DGCR8: variants seen among roughly 807,000 people sequenced by gnomAD.
The protein encoded by DGCR8 is microprocessor complex subunit DGCR8.
Under a neutral mutation model 78.5 loss-of-function variants are expected in DGCR8, and 14 were observed. That is an observed-to-expected ratio of 0.18 (90% CI 0.12 to 0.28). DGCR8 has a LOEUF of 0.28. DGCR8 is among the 10% of genes least tolerant of loss of function. The pLI is 1.00. For synonymous variants in DGCR8, 399 were observed against 402.4 expected, an observed-to-expected ratio of 0.99 and a Z score of 0.10; for missense variants, 702 against 1,022.5, an observed-to-expected ratio of 0.69 and a Z score of 4.28.
intron 7 of DGCR8, 67 bp from the exon 8 acceptor site, chr22:20,092,742 G>A: frequency 1.4e-6 from 2 of 1,390,332 alleles, no homozygotes; most frequent in Non-Finnish European, 2.0e-6. Flanking sequence ...GTCGGTGTGG[G>A]CAGACTGTGC....
At chr22:20,103,046 C>A (rs746106952) in intron 9 of DGCR8, among the ~76,000 whole-genome samples, 1 of 151,834 alleles carries the variant, frequency 6.6e-6, no homozygotes, top group African/African-American at 2.4e-5. Context: ...GCAGGAGAAT[C>A]GCTTGAACCC....
chr22:20,101,670 TG>T (rs1232845975), intron 9 of DGCR8: 1 of 984,854 alleles, frequency 1.0e-6, no homozygotes, highest in African/African-American at 1.8e-5. Flanking sequence ...TGTAGGGTGG[TG>T]GGGGTGTTTA....
chr22:20,107,476 G>C (rs1263726580), intron 12 of DGCR8, 78 bp downstream of exon 12: 5 of 1,568,620 alleles, frequency 3.2e-6, no homozygotes, highest in East Asian at 2.3e-5. Context: ...GTGCTCAGAG[G>C]GGGCAGAGCT....
chr22:20,111,024 T>C lies in DGCR8; in HGVS notation c.*916T>C, dbSNP rs1033977444. The C allele has an allele frequency of 5.0e-6, 2 of 397,564 alleles. No homozygotes were observed. Among genetic ancestry groups the C allele is most frequent in the Non-Finnish European group, 8.9e-6 (2 of 225,942 alleles). The allele number at this position is 397,564 out of a possible 1,614,324, so 24.6% of individuals were successfully genotyped here. A position where few individuals can be genotyped will look rare whatever the true frequency, so the allele number is the denominator to read the frequency against. ...TAGAAGGTAGATTTGGAATCATGCA[T>C]TTTAGCAAGTGGACTTGTTGAAACA... On this transcript the variant is annotated 3_prime_UTR_variant, in exon 14 of 14. Coordinates refer to ENST00000351989, the MANE Select transcript of DGCR8 (RefSeq NM_022720.7).
chr22:20,095,687 G>A (rs1290990214), intron 9 of DGCR8, among the ~76,000 whole-genome samples: 2 of 152,142 alleles, frequency 1.3e-5, no homozygotes, highest in Non-Finnish European at 2.9e-5. Flanking sequence ...GGCGGGGATG[G>A]TTTCAGGATG....
chr22:20,109,175 T>G, intron 13 of DGCR8, 172 bp downstream of exon 13: 1 of 519,406 alleles, frequency 1.9e-6, no homozygotes, highest in South Asian at 2.0e-5. Context: ...TGTGATAGTT[T>G]TATAAATCAC....
intron 9 of DGCR8, 124 bp from the exon 10 acceptor site, chr22:20,106,053 A>G: frequency 1.4e-6 from 1 of 706,118 alleles, no homozygotes; most frequent in Non-Finnish European, 2.5e-6. Context: ...GAGTTGAGGT[A>G]TGAAGTGCTA....
At chr22:20,107,246 C>T in intron 11 of DGCR8, 25 bp from the exon 12 acceptor site, 1 of 1,614,006 alleles carries the variant, frequency 6.2e-7, no homozygotes, top group Non-Finnish European at 8.5e-7. Flanking sequence ...GACCCCCTCT[C>T]CATGCTTGCT....
At position 20,111,547 on chromosome 22, in the gene DGCR8, GTCATTT is replaced by G; in HGVS notation, c.*1440_*1445del. 2.5e-6 allele frequency: 1 copy of G among 397,596 alleles called. No homozygotes were observed. The highest frequency in any genetic ancestry group is 2.1e-5 in the African/African-American group (1 of 48,618). 24.6% of individuals were successfully genotyped at this position (397,596 alleles called of 1,614,324 possible). ...TGCCTCCTGTCTGCAGCTGTGAATAGTCATTTGACTGTGACTGTTGCCCTTAGCCAG... is the reference window on the plus strand; with the variant it reads ...TGCCTCCTGTCTGCAGCTGTGAATAGGACTGTGACTGTTGCCCTTAGCCAG... On this transcript the variant is annotated 3_prime_UTR_variant, in exon 14 of 14. Transcript: ENST00000351989.
Position 20,111,722 on chromosome 22 carries a change from C to A in DGCR8, c.*1614C>A, listed in dbSNP as rs866678232. ...TCTCTGTGCGCCCCCCCCCCCCCCC[C>A]ACCCGTCTGCCAAGCATGGGTATGA... is the stretch of plus-strand genomic sequence containing the variant. On this transcript the variant is annotated 3_prime_UTR_variant, in exon 14 of 14. Transcript: ENST00000351989. The A allele has an allele frequency of 0.055, 9,543 of 174,356 alleles. 772 individuals carry two copies. Among genetic ancestry groups the A allele is most frequent in the South Asian group, 0.16 (455 of 2,778 alleles). The allele number at this position is 174,356 out of a possible 1,614,324, so 10.8% of individuals were successfully genotyped here.
At chr22:20,107,180 G>T (rs1407493191) in intron 11 of DGCR8, 91 bp from the exon 12 acceptor site, 4 of 1,483,640 alleles carry the variant, frequency 2.7e-6, no homozygotes, top group Non-Finnish European at 3.8e-6. Flanking sequence ...GGCCCTCGGG[G>T]TGTGGGTCAG....
At chr22:20,088,278 G>A (rs1324677736) in intron 3 of DGCR8, among the ~76,000 whole-genome samples, 1 of 152,210 alleles carries the variant, frequency 6.6e-6, no homozygotes, top group African/African-American at 2.4e-5. Context: ...TCTGGGGCTG[G>A]GGGCAGGAGT....
intron 1 of DGCR8, among the ~76,000 whole-genome samples, chr22:20,084,524 G>A (rs566480967): frequency 1.8e-3 from 277 of 152,210 alleles, no homozygotes; most frequent in African/African-American, 6.5e-3. Context: ...TCATCTCTGG[G>A]TGGCCTTCCT....
In DGCR8 at chr22:20,108,541, C is replaced by T. The variant is rs983934243; in HGVS notation, c.2125-349C>T. On this transcript the variant is annotated intron_variant, in intron 12 of 13. Coordinates refer to ENST00000351989, the MANE Select transcript of DGCR8 (RefSeq NM_022720.7). ...GCTGGGCTGCAGCGTGCTGTTCTTA[C>T]TGGCTATGGCCACACTCTGGTTTCA... 3 of 258,046 alleles carry T rather than the reference C, an allele frequency of 1.2e-5. No homozygotes were observed. The Admixed American group carries it at 1.4e-4, about 12-fold the overall frequency. The allele number at this position is 258,046 out of a possible 1,614,324, so 16.0% of individuals were successfully genotyped here.
chr22:20,108,838 G>C, intron 12 of DGCR8, 52 bp from the exon 13 acceptor site: 1 of 1,041,768 alleles, frequency 9.6e-7, no homozygotes, highest in Non-Finnish European at 1.5e-6. Flanking sequence ...GCAGCGGGCA[G>C]GCCGTAGAGC....
chr22:20,086,815 ATAATGT>A lies in DGCR8; in HGVS notation c.720+139_720+144del. 4.6e-6 allele frequency: 5 copies of A among 1,082,544 alleles called. No homozygotes were observed. Among genetic ancestry groups the A allele is most frequent in the Middle Eastern group, 3.1e-4 (1 of 3,224 alleles). 67.1% of individuals were successfully genotyped at this position (1,082,544 alleles called of 1,614,324 possible). A position where few individuals can be genotyped will look rare whatever the true frequency, so the allele number is the denominator to read the frequency against. On this transcript the variant is annotated intron_variant, in intron 2 of 13. Coordinates refer to ENST00000351989, the MANE Select transcript of DGCR8 (RefSeq NM_022720.7). The surrounding 1 kb of genome is among the most constrained non-coding windows in gnomAD (Gnocchi z 6.4). ...AAACCAAAATCCCCTCTGAGGTGGAATAATGTTAATGTGGAGAAGAGAAAGATGTAA... is the reference window on the plus strand; with the variant it reads ...AAACCAAAATCCCCTCTGAGGTGGAATAATGTGGAGAAGAGAAAGATGTAA...
At chr22:20,098,050 C>G (rs113504177) in intron 9 of DGCR8, among the ~76,000 whole-genome samples, 19,612 of 150,138 alleles carry the variant, frequency 0.13, 1,684 homozygotes, top group Non-Finnish European at 0.19. Flanking sequence ...CCACTTGAAC[C>G]CAGGAGGTGG....
In DGCR8 at chr22:20,087,258, C is replaced by T. The variant is rs2049496738; in HGVS notation, c.817C>T (p.His273Tyr). Residue 273 changes from histidine to tyrosine, a missense_variant, in exon 3 of 14, where the codon CAT becomes TAT. Coordinates refer to ENST00000351989, the MANE Select transcript of DGCR8 (RefSeq NM_022720.7). The surrounding 1 kb of genome is among the most constrained non-coding windows in gnomAD (Gnocchi z 4.1). ...GGAAAAATATGGCGGAGACAGCGAC[C>T]ATCCGTCCGATGGAGAGACAAGTGT... ...TEEKYGGDSD[H>Y]PSDGETSVQP... The T allele has an allele frequency of 3.1e-6, 5 of 1,613,982 alleles. No individual in the cohort carries two copies. The highest frequency in any genetic ancestry group is 1.1e-5 in the South Asian group (1 of 91,062).
intron 1 of DGCR8, among the ~76,000 whole-genome samples, chr22:20,082,557 C>T (rs772981297): frequency 7.9e-5 from 12 of 151,756 alleles, no homozygotes; most frequent in Non-Finnish European, 1.3e-4. Flanking sequence ...TTAATAGAGA[C>T]GGGGTTTCAA....
Sources: allele counts gnomAD v4.1 joint callset (sites outside exome capture counted in the v4.1 genomes callset), GRCh38; gene constraint gnomAD v4.1.1; non-coding constraint Gnocchi (gnomAD v3.1); transcripts MANE v1.5; gene names NCBI Gene and HGNC (gene_info 2026-07-23, HGNC 2026-07-21).